TRPM3: variants seen among roughly 807,000 people sequenced by gnomAD.
TRPM3 encodes transient receptor potential cation channel subfamily M member 3.
In TRPM3, 77 loss-of-function variants were observed where a neutral mutation model predicts 181.2. That is an observed-to-expected ratio of 0.42 (90% confidence interval 0.35 to 0.51). The LOEUF is 0.51. Ranked by LOEUF, TRPM3 falls within the 20% of genes least tolerant of loss-of-function variation. TRPM3 has a pLI of 0.01. For missense variants in TRPM3, 1,759 were observed against 2,196.7 expected (o/e 0.80, Z 3.98); for synonymous variants, 745 against 796.4 (o/e 0.94, Z 1.09).
intron 21 of TRPM3, 68 bp from the exon 22 acceptor site, chr9:70,591,273 C>T: frequency 7.1e-7 from 1 of 1,398,694 alleles, no homozygotes; most frequent in Non-Finnish European, 1.0e-6. Context: ...CTTATAATTG[C>T]TGACAATGAT....
intron 1 of TRPM3, among the ~76,000 whole-genome samples, chr9:71,087,550 G>C (rs1476993532): frequency 1.3e-5 from 2 of 151,984 alleles, no homozygotes. Flanking sequence ...TGTTTGTCTT[G>C]ATACCCTTGT....
Position 70,537,177 on chromosome 9 carries a change from G to C in TRPM3, c.3936C>G (p.Ser1312Arg), listed in dbSNP as rs1385319988. 6.3e-7 allele frequency: 1 copy of C among 1,590,634 alleles called. No individual in the cohort carries two copies. The highest frequency in any genetic ancestry group is 1.1e-5 in the South Asian group (1 of 89,454). ...AGGTGTTCCCTTCCTGGCTGTTGAA[G>C]CTGCTCTGACGGACAATGTAGGCGG... is the stretch of plus-strand genomic sequence containing the variant. ...TDAAYIVRQS[S>R]FNSQEGNTFK... The change falls in exon 26 of 26, where the codon AGC becomes AGG. Residue 1312 changes from serine to arginine, a missense_variant. Physicochemically the swap from Ser to Arg is moderately radical, Grantham distance 110. This residue lies in a region of TRPM3 where 612 missense variants were observed against 590.0 expected (regional missense o/e 1.04). Coordinates refer to ENST00000677713, the MANE Select transcript of TRPM3 (RefSeq NM_001366145.2).
chr9:71,216,613 G>A (rs1010784906), intron 1 of TRPM3, among the ~76,000 whole-genome samples: 4 of 152,214 alleles, frequency 2.6e-5, no homozygotes, highest in Non-Finnish European at 5.9e-5. Flanking sequence ...AAAGTGAAAT[G>A]CCATGCAAAG....
chr9:71,322,675 G>A lies in TRPM3; in HGVS notation c.183+123978C>T, dbSNP rs369384294. The stretch of plus-strand genomic sequence containing the variant: ...GAGACAACAAAAAATCCCTATATGA[G>A]GTAGACATTTTGTCCAGAATTTCAT... On this transcript the variant is annotated intron_variant, in intron 1 of 24. Transcript: ENST00000357533. Among the ~76,000 whole-genome samples, 11 of 152,128 alleles carry A rather than the reference G, an allele frequency of 7.2e-5. No homozygotes were observed. The East Asian group carries it at 1.5e-3, about 21-fold the overall frequency.
intron 1 of TRPM3, among the ~76,000 whole-genome samples, chr9:71,140,745 A>C (rs2075050876): frequency 6.6e-6 from 1 of 152,176 alleles, no homozygotes; most frequent in African/African-American, 2.4e-5. Context: ...AAACAAGGCT[A>C]ATACTTCACT....
intron 1 of TRPM3, among the ~76,000 whole-genome samples, chr9:70,894,417 G>T (rs1564705529): frequency 6.6e-6 from 1 of 151,968 alleles, no homozygotes; most frequent in African/African-American, 2.4e-5. Context: ...GTACCACACT[G>T]GTTTGCTACA....
intron 1 of TRPM3, among the ~76,000 whole-genome samples, chr9:71,340,607 G>A (rs1325846062): frequency 6.6e-6 from 1 of 152,124 alleles, no homozygotes; most frequent in East Asian, 1.9e-4. Flanking sequence ...CCCCAGCCAT[G>A]TAGAACTTTA....
chr9:71,358,943 A>T (rs2092021874), intron 1 of TRPM3, among the ~76,000 whole-genome samples: 1 of 152,188 alleles, frequency 6.6e-6, no homozygotes, highest in Non-Finnish European at 1.5e-5. Flanking sequence ...GTCTTCTAAA[A>T]TTTTTATAAA....
intron 1 of TRPM3, among the ~76,000 whole-genome samples, chr9:71,045,047 G>A (rs1234289271): frequency 6.6e-6 from 1 of 151,546 alleles, no homozygotes; most frequent in African/African-American, 2.4e-5. Flanking sequence ...GAGTCTCTAG[G>A]ATTTATTATC....
intron 1 of TRPM3, among the ~76,000 whole-genome samples, chr9:71,433,132 C>T (rs2093982615): frequency 6.6e-6 from 1 of 152,284 alleles, no homozygotes; most frequent in East Asian, 1.9e-4. Context: ...TTTCATGCTT[C>T]ACTGGTACTT....
intron 8 of TRPM3, among the ~76,000 whole-genome samples, chr9:70,759,043 C>T (rs1407769706): frequency 6.6e-6 from 1 of 152,158 alleles, no homozygotes; most frequent in Non-Finnish European, 1.5e-5. Flanking sequence ...AATGAACAGA[C>T]AACCTACAGA....
Position 70,618,881 on chromosome 9 carries a change from T to G in TRPM3, c.2344A>C (p.Asn782His). Reference protein sequence around the residue: ...MWMGRLRMRKNSGLKVILGIL... With the variant: ...MWMGRLRMRKHSGLKVILGIL... ...GGCGCCCTGACCTTGAGGCCTGAGT[T>G]CTTGCGCATGCGGAGCCGGCCCATC... The change falls in exon 17 of 26, where the codon AAC becomes CAC. Residue 782 changes from asparagine (N) to histidine (H), a missense_variant. Coordinates refer to ENST00000677713, the MANE Select transcript of TRPM3 (RefSeq NM_001366145.2). 6.2e-7 allele frequency: 1 copy of G among 1,606,610 alleles called. No individual in the cohort carries two copies. Among genetic ancestry groups the G allele is most frequent in the Non-Finnish European group, 8.5e-7 (1 of 1,179,932 alleles).
At chr9:71,031,948 T>C in intron 1 of TRPM3, among the ~76,000 whole-genome samples, 1 of 8,582 alleles carries the variant, frequency 1.2e-4, no homozygotes, top group African/African-American at 8.2e-4. Flanking sequence ...TTAAGGTTAA[T>C]ATATATATAA....
chr9:70,610,016 G>T (rs978699708), intron 19 of TRPM3, among the ~76,000 whole-genome samples: 17 of 152,192 alleles, frequency 1.1e-4, no homozygotes, highest in Non-Finnish European at 1.5e-4. Flanking sequence ...TTTGTAGGCA[G>T]AAATATTTAC....
intron 1 of TRPM3, among the ~76,000 whole-genome samples, chr9:71,064,112 T>C (rs1380882415): frequency 1.3e-5 from 2 of 152,202 alleles, no homozygotes; most frequent in African/African-American, 4.8e-5. Flanking sequence ...CATATTATGC[T>C]GAACTTCTAG....
At chr9:71,282,747 CAAT>C (rs2132214870) in intron 1 of TRPM3, among the ~76,000 whole-genome samples, 1 of 152,278 alleles carries the variant, frequency 6.6e-6, no homozygotes, top group South Asian at 2.1e-4. Flanking sequence ...TATCCTCTCC[CAAT>C]GTAAAATAAC....
intron 5 of TRPM3, among the ~76,000 whole-genome samples, chr9:70,838,214 G>T (rs1287995963): frequency 1.3e-5 from 2 of 152,090 alleles, no homozygotes; most frequent in Non-Finnish European, 2.9e-5. Flanking sequence ...TCCTCATTTT[G>T]GGGAGTTTTT....
intron 1 of TRPM3, among the ~76,000 whole-genome samples, chr9:70,886,263 C>T (rs1192373213): frequency 6.6e-6 from 1 of 152,092 alleles, no homozygotes; most frequent in African/African-American, 2.4e-5. Flanking sequence ...ATAAATTAAA[C>T]CTCAAATCAT....
At chr9:71,364,278 T>C (rs2092261151) in intron 1 of TRPM3, among the ~76,000 whole-genome samples, 2 of 152,220 alleles carry the variant, frequency 1.3e-5, no homozygotes, top group African/African-American at 4.8e-5. Context: ...ACATCAGTTC[T>C]AAAAAATGTT....
Sources: allele counts gnomAD v4.1 joint callset (sites outside exome capture counted in the v4.1 genomes callset), GRCh38; gene constraint gnomAD v4.1.1; regional missense constraint gnomAD v4.1.1; transcripts MANE v1.5; gene names NCBI Gene and HGNC (gene_info 2026-07-23, HGNC 2026-07-21).